The following CHRNB3 variants were observed in gnomAD, a reference collection of about 807,000 sequenced individuals.
CHRNB3 encodes the protein cholinergic receptor nicotinic beta 3 subunit, also known as neuronal acetylcholine receptor subunit beta-3.
In CHRNB3, 37 loss-of-function variants were observed where a neutral mutation model predicts 40.6. The ratio of observed to expected loss-of-function variants is 0.91; its 90% CI spans 0.70 to 1.20. The LOEUF (loss-of-function observed/expected upper bound fraction) is 1.20. Ranked by LOEUF, CHRNB3 falls within the 50% of genes most tolerant of loss-of-function variation. The probability of loss-of-function intolerance (pLI) is 0.00; values close to 1 mark genes in which losing one functional copy is unlikely to be tolerated. For synonymous variants in CHRNB3, 207 were observed against 207.1 expected, an observed-to-expected ratio of 1.00 and a Z score of 0.00; for missense variants, 505 against 551.2, an observed-to-expected ratio of 0.92 and a Z score of 0.84.
In CHRNB3 at chr8:42,731,096, T is replaced by C. The variant is rs1014755861; in HGVS notation, c.359+393T>C. Among the ~76,000 whole-genome samples the C allele has an allele frequency of 8.7e-5, 13 of 149,958 alleles. 2 individuals carry two copies. Among genetic ancestry groups the C allele is most frequent in the African/African-American group, 3.2e-4 (13 of 40,800 alleles). On this transcript the variant is annotated intron_variant, in intron 4 of 5. Transcript: ENST00000289957. ...AATAAATAAATAAATAAATAAAAAA[T>C]AAAAAGTGAAAAAAAGGAAAGTAAG...
intron 3 of CHRNB3, among the ~76,000 whole-genome samples, chr8:42,724,593 C>A (rs62518218): frequency 0.057 from 8,691 of 152,136 alleles, 318 homozygotes; most frequent in Middle Eastern, 0.099. Context: ...TCATTTACCA[C>A]CATTAAACTC....
At chr8:42,701,437 G>A (rs748085082) in intron 1 of CHRNB3, among the ~76,000 whole-genome samples, 2 of 151,914 alleles carry the variant, frequency 1.3e-5, no homozygotes, top group African/African-American at 2.4e-5. Flanking sequence ...GCAGCTACTC[G>A]GGAGGCTGAG....
intron 3 of CHRNB3, among the ~76,000 whole-genome samples, chr8:42,716,636 T>C (rs1164840493): frequency 1.3e-5 from 2 of 152,118 alleles, no homozygotes; most frequent in Non-Finnish European, 2.9e-5. Flanking sequence ...TTCCAGGTCA[T>C]TGCCATGGAA....
intron 3 of CHRNB3, among the ~76,000 whole-genome samples, chr8:42,718,309 A>C (rs1816154553): frequency 6.6e-6 from 1 of 152,172 alleles, no homozygotes; most frequent in African/African-American, 2.4e-5. Context: ...CAGAGACTGC[A>C]AATCAAGACA....
At chr8:42,722,512 G>A (rs1816236349) in intron 3 of CHRNB3, among the ~76,000 whole-genome samples, 2 of 152,076 alleles carry the variant, frequency 1.3e-5, no homozygotes, top group South Asian at 4.1e-4. Context: ...ACGGCACTTG[G>A]ACACAGTACA....
chr8:42,720,491 T>G (rs1328401609), intron 3 of CHRNB3, among the ~76,000 whole-genome samples: 1 of 152,082 alleles, frequency 6.6e-6, no homozygotes, highest in Non-Finnish European at 1.5e-5. Flanking sequence ...ACTCCACTGT[T>G]CTGTATCCCA....
chr8:42,733,250 C>T (rs537669792), intron 5 of CHRNB3, among the ~76,000 whole-genome samples: 5 of 151,246 alleles, frequency 3.3e-5, no homozygotes, highest in Non-Finnish European at 7.4e-5. Context: ...TGACTTGAGG[C>T]CAGAATTGAG....
intron 1 of CHRNB3, among the ~76,000 whole-genome samples, chr8:42,704,696 G>C (rs531439336): frequency 3.3e-5 from 5 of 152,258 alleles, no homozygotes; most frequent in South Asian, 2.1e-4. Context: ...GTGTGTGTGT[G>C]TGTGCTTGCA....
At chr8:42,717,403 A>AGAAGCAGAC (rs543019760) in intron 3 of CHRNB3, among the ~76,000 whole-genome samples, 1 of 50,908 alleles carries the variant, frequency 2.0e-5, no homozygotes, top group African/African-American at 6.8e-5. Flanking sequence ...AAAAAAAAAA[A>AGAAGCAGAC]AAGCCGACCT....
chr8:42,731,797 C>A lies in CHRNB3; in HGVS notation c.490C>A (p.Arg164=). The stretch of plus-strand genomic sequence containing the variant: ...GGACGTCACGTTTTTCCCGTTCGAC[C>A]GACAGAACTGCTCCATGAAGTTTGG... ...TMDVTFFPFD[R]QNCSMKFGSW... The change falls in exon 5 of 6, where the codon CGA becomes AGA. Residue 164 remains arginine, a synonymous_variant. Coordinates refer to ENST00000289957, the MANE Select transcript of CHRNB3 (RefSeq NM_000749.5). The A allele has an allele frequency of 1.9e-6, 3 of 1,614,020 alleles. No homozygotes were observed. The highest frequency in any genetic ancestry group is 1.1e-5 in the South Asian group (1 of 91,068).
chr8:42,719,785 G>A (rs962309719), intron 3 of CHRNB3, among the ~76,000 whole-genome samples: 2 of 152,170 alleles, frequency 1.3e-5, no homozygotes, highest in African/African-American at 4.8e-5. Flanking sequence ...TGCAGCAGCT[G>A]GAGATCAGTG....
intron 1 of CHRNB3, among the ~76,000 whole-genome samples, chr8:42,701,226 C>CAACAAAAAAA (rs1815790339): frequency 1.4e-5 from 1 of 71,460 alleles, no homozygotes; most frequent in African/African-American, 4.5e-5. Context: ...GACTCTGTCT[C>CAACAAAAAAA]AAAAAAAAAA....
intron 2 of CHRNB3, among the ~76,000 whole-genome samples, chr8:42,710,031 A>G (rs1032887620): frequency 6.6e-6 from 1 of 152,210 alleles, no homozygotes; most frequent in Non-Finnish European, 1.5e-5. Flanking sequence ...TTTTAAGCAA[A>G]ATCCGCATGC....
In CHRNB3 at chr8:42,737,102, C is replaced by T. The variant is rs1586415719; in HGVS notation, c.*484C>T. ...AGCTGCAAACTGGGGCCGTGTTATG[C>T]TTGTTAGCAATGGGCCAGGCAAATC... On this transcript the variant is annotated 3_prime_UTR_variant, in exon 6 of 6. Transcript: ENST00000289957. 1 of 159,500 alleles carries T rather than the reference C, an allele frequency of 6.3e-6. No homozygotes were observed. Among genetic ancestry groups the T allele is most frequent in the East Asian group, 1.9e-4 (1 of 5,404 alleles). The allele number at this position is 159,500 out of a possible 1,614,324, so 9.9% of individuals were successfully genotyped here. A position where few individuals can be genotyped will look rare whatever the true frequency, so the allele number is the denominator to read the frequency against.
chr8:42,710,201 G>A (rs1815990425), intron 2 of CHRNB3, among the ~76,000 whole-genome samples, 189 bp from the exon 3 acceptor site: 1 of 152,126 alleles, frequency 6.6e-6, no homozygotes, highest in South Asian at 2.1e-4. Context: ...TGCACTTATA[G>A]TCAGCTCCTT....
In CHRNB3 at chr8:42,731,057, A is replaced by AAAATAAATGAAT. The variant is rs1360270846; in HGVS notation, c.359+362_359+363insGAATAAATAAAT. Reference sequence around the variant, plus strand: ...GCGACAGAGCGAGACTCCGTCTCAAAAAATAAATAAATAAATAAATAAATA... The same window carrying AAAATAAATGAAT: ...GCGACAGAGCGAGACTCCGTCTCAAAAAATAAATGAATAAATAAATAAATAAATAAATAAATA... On this transcript the variant is annotated intron_variant, in intron 4 of 5. Transcript: ENST00000289957. Among the ~76,000 whole-genome samples the AAAATAAATGAAT allele has an allele frequency of 3.5e-4, 49 of 138,886 alleles. 1 individual carries two copies. The East Asian group carries it at 9.4e-3, about 27-fold the overall frequency. The allele number at this position is 138,886 out of a possible 152,430, so 91.1% of individuals were successfully genotyped here.
In CHRNB3 at chr8:42,731,024, C is replaced by T. The variant is rs11986606; in HGVS notation, c.359+321C>T. 7.4e-4 allele frequency among the ~76,000 whole-genome samples: 99 copies of T among 133,170 alleles called. 9 individuals carry two copies. Among genetic ancestry groups the T allele is most frequent in the African/African-American group, 2.8e-3 (92 of 33,314 alleles). The allele number at this position is 133,170 out of a possible 152,430, so 87.4% of individuals were successfully genotyped here. On this transcript the variant is annotated intron_variant, in intron 4 of 5. Transcript: ENST00000289957. ...GATTGCGCCACTGCAGTCCGCAGTCCGGCCTGGGCGACAGAGCGAGACTCC... is the reference window on the plus strand; with the variant it reads ...GATTGCGCCACTGCAGTCCGCAGTCTGGCCTGGGCGACAGAGCGAGACTCC...
At chr8:42,721,989 T>C (rs1381773700) in intron 3 of CHRNB3, 3 of 152,166 alleles carry the variant, frequency 2.0e-5, no homozygotes, top group African/African-American at 7.2e-5. Flanking sequence ...ACTGGGGTTC[T>C]GTTACCAAGA....
chr8:42,732,120 C>A lies in CHRNB3; in HGVS notation c.813C>A (p.Val271=), dbSNP rs769791473. The change falls in exon 5 of 6, where the codon GTC becomes GTA. Residue 271 remains valine, a synonymous_variant. Coordinates refer to ENST00000289957, the MANE Select transcript of CHRNB3 (RefSeq NM_000749.5). ...EGEKLSLSTS[V]LVSLTVFLLV... is the part of the protein sequence containing the mutation. ...AAAAACTTTCATTATCCACATCGGT[C>A]TTGGTTTCTCTGACAGTTTTCCTTT... The A allele has an allele frequency of 1.9e-6, 3 of 1,613,358 alleles. No individual in the cohort carries two copies. Among genetic ancestry groups the A allele is most frequent in the Admixed American group, 3.3e-5 (2 of 59,790 alleles).
Sources: allele counts gnomAD v4.1 joint callset (sites outside exome capture counted in the v4.1 genomes callset), GRCh38; gene constraint gnomAD v4.1.1; transcripts MANE v1.5; gene names NCBI Gene and HGNC (gene_info 2026-07-23, HGNC 2026-07-21).